The following CSMD2 variants were observed in gnomAD, a reference collection of about 807,000 sequenced individuals.
The protein encoded by CSMD2 is CUB and sushi domain-containing protein 2.
Under a neutral mutation model 398.5 loss-of-function variants are expected in CSMD2, and 130 were observed. That is an observed-to-expected ratio of 0.33 (90% confidence interval 0.28 to 0.38). The LOEUF (loss-of-function observed/expected upper bound fraction) is 0.38, where lower values mean the gene tolerates loss of function less well. CSMD2 is among the 10% of genes least tolerant of loss of function. The probability of loss-of-function intolerance (pLI) is 1.00; values close to 1 mark genes in which losing one functional copy is unlikely to be tolerated. For missense variants in CSMD2, 3,829 were observed against 4,764.9 expected (o/e 0.80, Z 5.78); for synonymous variants, 1,828 against 1,908.5 (o/e 0.96, Z 1.10).
chr1:33,918,046 C>G, intron 5 of CSMD2, 48 bp downstream of exon 5: 1 of 1,560,980 alleles, frequency 6.4e-7, no homozygotes, highest in Non-Finnish European at 8.8e-7. Context: ...CCCAGTAATT[C>G]ACAGTTGCAG....
chr1:33,571,557 G>A lies in CSMD2; in HGVS notation c.7932C>T (p.Leu2644=), dbSNP rs754800601. The A allele has an allele frequency of 2.0e-5, 30 of 1,520,242 alleles. No individual in the cohort carries two copies. In the East Asian group the frequency reaches 4.9e-4, roughly 25 times the overall value. The allele number at this position is 1,520,242 out of a possible 1,614,324, so 94.2% of individuals were successfully genotyped here. A position where few individuals can be genotyped will look rare whatever the true frequency, so the allele number is the denominator to read the frequency against. ...IRCQANGKWS[L]GDSTPTCRII... ...TTCGGCAGGTGGGCGTAGAGTCCCC[G>A]AGGCTCCATTTGCCATTGGCCTGAC... Residue 2644 remains leucine, a synonymous_variant, in exon 51 of 71, where the codon CTC becomes CTT. Transcript: ENST00000373381.
intron 5 of CSMD2, among the ~76,000 whole-genome samples, chr1:33,910,850 A>G (rs564936006): frequency 6.6e-6 from 1 of 152,204 alleles, no homozygotes; most frequent in Non-Finnish European, 1.5e-5. Flanking sequence ...GCCTGAAGTC[A>G]AGTTCTGGAC....
intron 9 of CSMD2, among the ~76,000 whole-genome samples, chr1:33,813,489 A>G (rs537040807): frequency 1.5e-4 from 23 of 152,240 alleles, no homozygotes; most frequent in Non-Finnish European, 2.8e-4. Flanking sequence ...ATGAATGAAC[A>G]TATCATTTTG....
chr1:34,054,672 G>A (rs1003197757), intron 2 of CSMD2, among the ~76,000 whole-genome samples: 7 of 152,138 alleles, frequency 4.6e-5, no homozygotes, highest in African/African-American at 1.4e-4. Context: ...CCCGGGAGGC[G>A]GAGCTTGCAG....
chr1:33,939,941 TCC>T (rs1644610344), intron 3 of CSMD2, among the ~76,000 whole-genome samples: 2 of 152,212 alleles, frequency 1.3e-5, no homozygotes, highest in African/African-American at 4.8e-5. Context: ...TACTTTTTCA[TCC>T]TGTAAGGGTG....
chr1:33,759,496 T>G (rs988726847), intron 13 of CSMD2, among the ~76,000 whole-genome samples: 1 of 151,698 alleles, frequency 6.6e-6, no homozygotes, highest in Non-Finnish European at 1.5e-5. Context: ...CGGCTAATTT[T>G]TTGTATTTTT....
rs144638462 is a variant in CSMD2 at position 33,612,767 on chromosome 1, C to T, written c.6134-1517G>A. 8.1e-3 allele frequency among the ~76,000 whole-genome samples: 1,238 copies of T among 151,906 alleles called. 16 individuals are homozygous for T. The highest frequency in any genetic ancestry group is 0.028 in the African/African-American group (1,170 of 41,404). On this transcript the variant is annotated intron_variant, in intron 40 of 70. Coordinates refer to ENST00000373381, the MANE Select transcript of CSMD2 (RefSeq NM_001281956.2). Reference sequence around the variant, plus strand: ...CACGATCTTGGCTCACTGCAAGCTCCGCCTCCCGGGTTCACACCATTCTCC... The same window carrying T: ...CACGATCTTGGCTCACTGCAAGCTCTGCCTCCCGGGTTCACACCATTCTCC...
Position 33,626,513 on chromosome 1 carries a change from C to T in CSMD2, c.5269G>A (p.Ala1757Thr). The stretch of plus-strand genomic sequence containing the variant: ...TGGTAGACAAAGTGGAAGCCTCTGG[C>T]TGGTGCGAGGCCTTTGGCGCTGAAC... ...IKFSAKGLAP[A>T]RGFHFVYQAV... Residue 1757 changes from alanine (A) to threonine (T), a missense_variant, in exon 33 of 71, where the codon GCC becomes ACC. Coordinates refer to ENST00000373381, the MANE Select transcript of CSMD2 (RefSeq NM_001281956.2). 1.2e-6 allele frequency: 2 copies of T among 1,608,704 alleles called. No individual in the cohort carries two copies. The highest frequency in any genetic ancestry group is 1.7e-6 in the Non-Finnish European group (2 of 1,177,950).
intron 25 of CSMD2, among the ~76,000 whole-genome samples, chr1:33,668,002 C>T (rs1644370332): frequency 1.3e-5 from 2 of 152,142 alleles, no homozygotes; most frequent in South Asian, 4.1e-4. Flanking sequence ...CAGGACATGG[C>T]AGAGTGCTGA....
intron 2 of CSMD2, among the ~76,000 whole-genome samples, chr1:34,085,333 A>G (rs1191389008): frequency 6.6e-6 from 1 of 152,112 alleles, no homozygotes; most frequent in Admixed American, 6.5e-5. Flanking sequence ...ATACATATGT[A>G]ACAAACCTGC....
chr1:33,812,005 A>T (rs1656920259), intron 9 of CSMD2, among the ~76,000 whole-genome samples: 2 of 152,148 alleles, frequency 1.3e-5, no homozygotes, highest in South Asian at 4.1e-4. Context: ...CCATGTGTGG[A>T]AAGGGCCATG....
intron 51 of CSMD2, among the ~76,000 whole-genome samples, chr1:33,570,592 G>A (rs1659508448): frequency 6.6e-6 from 1 of 152,098 alleles, no homozygotes. Context: ...ACATAAATAT[G>A]ATGAGCATAT....
At chr1:33,596,013 T>C (rs1013844634) in intron 44 of CSMD2, among the ~76,000 whole-genome samples, 2 of 152,214 alleles carry the variant, frequency 1.3e-5, no homozygotes, top group Non-Finnish European at 2.9e-5. Flanking sequence ...CTCACACTGA[T>C]ACATCCAATT....
intron 5 of CSMD2, 151 bp from the exon 6 acceptor site, chr1:33,847,147 C>G: frequency 1.9e-6 from 1 of 533,336 alleles, no homozygotes; most frequent in Middle Eastern, 3.5e-4. Context: ...CAGGCCCCTC[C>G]AGTACCCTAG....
chr1:33,818,289 C>T (rs1290997429), intron 9 of CSMD2, among the ~76,000 whole-genome samples: 2 of 152,134 alleles, frequency 1.3e-5, no homozygotes, highest in East Asian at 1.9e-4. Flanking sequence ...TCATTCATTC[C>T]GTCATCCATT....
At chr1:33,801,823 C>T (rs1252189961) in intron 10 of CSMD2, among the ~76,000 whole-genome samples, 1 of 152,138 alleles carries the variant, frequency 6.6e-6, no homozygotes, top group Non-Finnish European at 1.5e-5. Context: ...CTTAAAGGGC[C>T]AGGTGTGTCT....
At chr1:33,911,273 T>C (rs575404584) in intron 5 of CSMD2, among the ~76,000 whole-genome samples, 1 of 152,206 alleles carries the variant, frequency 6.6e-6, no homozygotes, top group African/African-American at 2.4e-5. Flanking sequence ...ATAAAGCATA[T>C]GTGAATAAAT....
Position 33,558,639 on chromosome 1 carries a change from G to A in CSMD2, c.8554+661C>T, listed in dbSNP as rs114743106. 2.5e-3 allele frequency among the ~76,000 whole-genome samples: 383 copies of A among 152,172 alleles called. 2 individuals are homozygous for A. The highest frequency in any genetic ancestry group is 9.1e-3 in the African/African-American group (376 of 41,510). ...CTTTAAGGATTTTTACTTTTGATGA[G>A]GCTCTCTGAGGCTTCACTGCTGTCA... On this transcript the variant is annotated intron_variant, in intron 54 of 70. Transcript: ENST00000373381.
intron 55 of CSMD2, 96 bp from the exon 56 acceptor site, chr1:33,550,446 G>T: frequency 7.5e-7 from 1 of 1,327,928 alleles, no homozygotes; most frequent in Non-Finnish European, 1.0e-6. Context: ...AGGCTGGGAA[G>T]AAGAGAAACC....
Sources: allele counts gnomAD v4.1 joint callset (sites outside exome capture counted in the v4.1 genomes callset), GRCh38; gene constraint gnomAD v4.1.1; transcripts MANE v1.5; gene names NCBI Gene and HGNC (gene_info 2026-07-23, HGNC 2026-07-21).